Variants in NSDHL observed in about 807,000 individuals in gnomAD.
NSDHL encodes NAD(P) dependent 3-beta-hydroxysteroid dehydrogenase NSDHL.
Under a neutral mutation model 23.0 loss-of-function variants are expected in NSDHL, and 1 was observed. That is an observed-to-expected ratio of 0.04 (90% CI 0.02 to 0.21). The LOEUF is 0.21. NSDHL is among the 10% of genes least tolerant of loss of function. NSDHL has a pLI of 1.00. For missense variants in NSDHL, 237 were observed against 300.9 expected (o/e 0.79, Z 1.57); for synonymous variants, 128 against 121.1 (o/e 1.06, Z -0.37).
chrX:152,834,656 C>T (rs1039337670), intron 1 of NSDHL, among the ~76,000 whole-genome samples: 57 of 112,745 alleles, frequency 5.1e-4, no homozygotes, highest in African/African-American at 1.8e-3. Flanking sequence ...TGTGCCGCCT[C>T]AGGTGAATCC....
chrX:152,836,338 T>G (rs1556844088), intron 1 of NSDHL, among the ~76,000 whole-genome samples: 1 of 112,480 alleles, frequency 8.9e-6, no homozygotes, highest in Non-Finnish European at 1.9e-5. Flanking sequence ...TGGCTTTTGT[T>G]GCCATTGCTT....
chrX:152,833,572 T>G (rs6627690), intron 1 of NSDHL, among the ~76,000 whole-genome samples: 2 of 111,921 alleles, frequency 1.8e-5, no homozygotes, highest in African/African-American at 6.5e-5. Flanking sequence ...AGCTTGTCAC[T>G]GTTATAAGAA....
chrX:152,854,889 T>TAG (rs370112623), intron 3 of NSDHL, among the ~76,000 whole-genome samples: 2,672 of 102,160 alleles, frequency 0.026, 83 homozygotes, highest in African/African-American at 0.089. Context: ...TTATAGTCAG[T>TAG]AGAGAGAGAG....
chrX:152,863,068 A>G (rs1208175478), intron 5 of NSDHL, among the ~76,000 whole-genome samples: 4 of 110,016 alleles, frequency 3.6e-5, no homozygotes, highest in African/African-American at 1.3e-4. Context: ...AGGCTGAGGT[A>G]TGAGAATTGC....
At chrX:152,851,970 A>G (rs782500176) in intron 3 of NSDHL, among the ~76,000 whole-genome samples, 2 of 110,105 alleles carry the variant, frequency 1.8e-5, no homozygotes, top group Non-Finnish European at 3.8e-5. Context: ...CAGGCATTCT[A>G]CTCTGAGCAC....
chrX:152,833,844 G>A (rs1486353955), intron 1 of NSDHL, among the ~76,000 whole-genome samples: 4 of 112,260 alleles, frequency 3.6e-5, no homozygotes, highest in African/African-American at 6.5e-5. Context: ...AAGGTTGGCA[G>A]TGTGTCTTTG....
At chrX:152,860,045 A>G (rs782512285) in intron 4 of NSDHL, among the ~76,000 whole-genome samples, 10 of 112,066 alleles carry the variant, frequency 8.9e-5, no homozygotes, top group Non-Finnish European at 1.9e-4. Flanking sequence ...CAGGTACTGC[A>G]TAAATTAAGA....
intron 1 of NSDHL, among the ~76,000 whole-genome samples, chrX:152,838,399 A>G (rs1171101529): frequency 8.1e-5 from 9 of 111,579 alleles, no homozygotes; most frequent in Non-Finnish European, 1.1e-4. Context: ...TTAGGGTGTC[A>G]ATTTTAGATC....
chrX:152,834,170 G>A (rs1556843759), intron 1 of NSDHL, among the ~76,000 whole-genome samples: 1 of 112,031 alleles, frequency 8.9e-6, no homozygotes, highest in African/African-American at 3.2e-5. Context: ...CTGTGGAAGC[G>A]ACTCACCTTC....
chrX:152,839,239 TG>T (rs1264111148), intron 1 of NSDHL, among the ~76,000 whole-genome samples: 1 of 112,318 alleles, frequency 8.9e-6, no homozygotes, highest in African/African-American at 3.2e-5. Flanking sequence ...TGATGGGTCT[TG>T]ACTCTTTATC....
chrX:152,863,505 CCTTA>C (rs1556847734), intron 5 of NSDHL, among the ~76,000 whole-genome samples: 2 of 112,406 alleles, frequency 1.8e-5, no homozygotes, highest in African/African-American at 6.5e-5. Flanking sequence ...TCACCCCCTC[CCTTA>C]CTTAGAAAAA....
At chrX:152,837,464 T>C (rs1188856591) in intron 1 of NSDHL, among the ~76,000 whole-genome samples, 12 of 111,851 alleles carry the variant, frequency 1.1e-4, no homozygotes, top group Non-Finnish European at 2.1e-4. Context: ...TTTTGAGATA[T>C]GTCCCATCAA....
At chrX:152,857,922 A>G (rs1378756500) in intron 3 of NSDHL, among the ~76,000 whole-genome samples, 3 of 112,545 alleles carry the variant, frequency 2.7e-5, no homozygotes, top group African/African-American at 9.7e-5. Flanking sequence ...CATAATTGTC[A>G]TAATTGTCTT....
intron 3 of NSDHL, among the ~76,000 whole-genome samples, chrX:152,854,893 G>C (rs979663954): frequency 9.2e-6 from 1 of 108,778 alleles, no homozygotes; most frequent in Admixed American, 9.8e-5. Flanking sequence ...AGTCAGTAGA[G>C]AGAGAGAGAG....
chrX:152,850,969 C>T (rs190710289), intron 3 of NSDHL, among the ~76,000 whole-genome samples: 124 of 112,201 alleles, frequency 1.1e-3, no homozygotes, highest in African/African-American at 3.1e-3. Context: ...TCATCTACTT[C>T]CCATCTATGG....
intron 3 of NSDHL, among the ~76,000 whole-genome samples, chrX:152,857,863 A>G (rs1436591189): frequency 8.9e-6 from 1 of 111,865 alleles, no homozygotes; most frequent in Non-Finnish European, 1.9e-5. Flanking sequence ...AAAAAAAATC[A>G]TGTGATTGTA....
chrX:152,841,654 A>G (rs1933194195), intron 1 of NSDHL, among the ~76,000 whole-genome samples: 4 of 112,153 alleles, frequency 3.6e-5, no homozygotes, highest in Non-Finnish European at 5.6e-5. Context: ...AATGGATTCA[A>G]ATAACTAACA....
At chrX:152,842,847 T>C (rs1933215693) in intron 1 of NSDHL, among the ~76,000 whole-genome samples, 2 of 112,219 alleles carry the variant, frequency 1.8e-5, no homozygotes, top group Admixed American at 1.9e-4. Context: ...TTAAAGTAGA[T>C]CTTCTTTGGA....
chrX:152,832,859 G>A (rs782235371), intron 1 of NSDHL, among the ~76,000 whole-genome samples: 4 of 111,860 alleles, frequency 3.6e-5, no homozygotes, highest in African/African-American at 1.3e-4. Context: ...GTGGCCTGAT[G>A]TTGAGCAGGT....
Sources: gnomAD v4.1 joint callset for allele counts (sites outside exome capture counted in the v4.1 genomes callset) on GRCh38, gnomAD v4.1.1 for gene constraint, MANE v1.5 for transcripts, NCBI Gene and HGNC (gene_info 2026-07-23, HGNC 2026-07-21) for gene names.